LINGO2: variants seen among roughly 807,000 people sequenced by gnomAD.
LINGO2 encodes leucine rich repeat and Ig domain containing 2.
A neutral mutation model predicts 30.6 loss-of-function variants in LINGO2; 14 were observed. That is an observed-to-expected ratio of 0.46 (90% CI 0.30 to 0.72). The LOEUF is 0.72. Among genes scored for constraint, LINGO2 ranks in the 30% least tolerant of loss-of-function variants. The pLI is 0.07. For missense variants in LINGO2, 729 were observed against 751.7 expected (o/e 0.97, Z 0.35); for synonymous variants, 317 against 288.5 (o/e 1.10, Z -1.00).
downstream of LINGO2, among the ~76,000 whole-genome samples, chr9:27,947,307 A>T (rs978805798): frequency 2.6e-5 from 4 of 152,218 alleles, no homozygotes; most frequent in Non-Finnish European, 5.9e-5. Context: ...ATCAGTTTTT[A>T]AAAACTGGGA....
the LINGO2 span, among the ~76,000 whole-genome samples, chr9:29,178,047 TTTTATTTA>T: frequency 1.3e-5 from 2 of 151,854 alleles, no homozygotes; most frequent in Non-Finnish European, 2.9e-5. Flanking sequence ...AATACTTTTA[TTTTATTTA>T]TTTATTTATT....
chr9:28,912,668 T>C, the LINGO2 span, among the ~76,000 whole-genome samples: 9 of 152,190 alleles, frequency 5.9e-5, no homozygotes, highest in African/African-American at 1.9e-4. Flanking sequence ...ATTGACATCA[T>C]GTGTCTTCAT....
In LINGO2 at chr9:28,614,830, C is replaced by A. The variant is rs538295716; in HGVS notation, c.-365+55370G>T. Among the ~76,000 whole-genome samples the A allele has an allele frequency of 3.0e-4, 45 of 152,168 alleles. No individual in the cohort carries two copies. In the South Asian group the frequency reaches 9.3e-3, roughly 32 times the overall value. On this transcript the variant is annotated intron_variant, in intron 1 of 5. Coordinates refer to ENST00000379992, the Ensembl canonical transcript of LINGO2. ...TGGGAACAAGTTTTAATGTTACAGT[C>A]AGGGTTTTAACTCCTCAGGTGTCAA...
chr9:28,326,255 T>C (rs1825225278), intron 3 of LINGO2, among the ~76,000 whole-genome samples: 1 of 152,212 alleles, frequency 6.6e-6, no homozygotes. Context: ...TCTGCCCACC[T>C]TGGCCTCCCA....
chr9:28,311,769 A>G (rs12555162), intron 3 of LINGO2, among the ~76,000 whole-genome samples: 49,565 of 152,006 alleles, frequency 0.33, 9,313 homozygotes, highest in Non-Finnish European at 0.43. Context: ...TAATGCAATC[A>G]TCACAAGGTC....
the LINGO2 span, among the ~76,000 whole-genome samples, chr9:29,105,471 A>G: frequency 7.8e-4 from 119 of 152,312 alleles, no homozygotes; most frequent in Admixed American, 6.5e-4. Context: ...TTAAAAATTC[A>G]GTCATCGAAA....
At chr9:28,495,620 G>A (rs56373320) in intron 1 of LINGO2, among the ~76,000 whole-genome samples, 1 of 151,874 alleles carries the variant, frequency 6.6e-6, no homozygotes, top group Non-Finnish European at 1.5e-5. Context: ...GTTACTGTAG[G>A]CTTGTAGTAT....
At chr9:29,046,737 A>G in the LINGO2 span, among the ~76,000 whole-genome samples, 5 of 152,150 alleles carry the variant, frequency 3.3e-5, no homozygotes, top group African/African-American at 1.2e-4. Flanking sequence ...GCAAAAATTG[A>G]CAAGTGAGAT....
At chr9:29,068,117 A>C in the LINGO2 span, among the ~76,000 whole-genome samples, 1 of 151,840 alleles carries the variant, frequency 6.6e-6, no homozygotes, top group African/African-American at 2.4e-5. Context: ...AAGTTGTGGG[A>C]AAATATGAAC....
intron 4 of LINGO2, among the ~76,000 whole-genome samples, chr9:28,285,314 T>C (rs1823466649): frequency 6.6e-6 from 1 of 151,970 alleles, no homozygotes; most frequent in South Asian, 2.1e-4. Flanking sequence ...ATTTAATGCT[T>C]ACAATTGTCC....
At chr9:28,477,905 G>A (rs1417677024) in intron 1 of LINGO2, among the ~76,000 whole-genome samples, 3 of 152,056 alleles carry the variant, frequency 2.0e-5, no homozygotes, top group East Asian at 3.9e-4. Context: ...AAACATTACC[G>A]TATATAGTTC....
rs1821616838 is a variant in LINGO2 at position 28,237,499 on chromosome 9, G to T, written c.-87+57709C>A. Among the ~76,000 whole-genome samples, 12 of 152,152 alleles carry T rather than the reference G, an allele frequency of 7.9e-5. 1 individual carries two copies. The South Asian group carries it at 2.5e-3, about 32-fold the overall frequency. On this transcript the variant is annotated intron_variant, in intron 4 of 5. Transcript: ENST00000379992. ...GAAACCAAACTCTCCAATCAAAAAA[G>T]ATAGATTGGCTGAATGGATTAAAAA...
chr9:29,003,646 T>A, the LINGO2 span, among the ~76,000 whole-genome samples: 1 of 151,932 alleles, frequency 6.6e-6, no homozygotes, highest in Non-Finnish European at 1.5e-5. Flanking sequence ...AATATATAGC[T>A]TATATCTGGA....
intron 2 of LINGO2, among the ~76,000 whole-genome samples, chr9:28,444,612 G>A (rs770658575): frequency 2.6e-5 from 4 of 152,178 alleles, no homozygotes; most frequent in African/African-American, 4.8e-5. Context: ...TGGACTCTGT[G>A]GTTTCTGGCA....
chr9:28,505,204 T>G (rs551650226), intron 1 of LINGO2, among the ~76,000 whole-genome samples: 1 of 152,020 alleles, frequency 6.6e-6, no homozygotes, highest in African/African-American at 2.4e-5. Flanking sequence ...TTACTAGAAA[T>G]TCAGTCTAGA....
intron 1 of LINGO2, among the ~76,000 whole-genome samples, chr9:28,548,945 T>A (rs1429965303): frequency 6.6e-6 from 1 of 151,940 alleles, no homozygotes; most frequent in Non-Finnish European, 1.5e-5. Context: ...GTAGAAAAGT[T>A]CAGAATATAA....
At chr9:28,582,682 T>C (rs1174913681) in intron 1 of LINGO2, among the ~76,000 whole-genome samples, 1 of 152,090 alleles carries the variant, frequency 6.6e-6, no homozygotes, top group Non-Finnish European at 1.5e-5. Context: ...AACAGCAGAC[T>C]TCCAAAAACT....
At chr9:28,126,300 C>A (rs532258970) in intron 4 of LINGO2, among the ~76,000 whole-genome samples, 2 of 152,118 alleles carry the variant, frequency 1.3e-5, no homozygotes, top group East Asian at 3.9e-4. Flanking sequence ...CTGAATCATT[C>A]CAGCTGCAAG....
chr9:28,347,408 T>A (rs1819629833), intron 3 of LINGO2, among the ~76,000 whole-genome samples: 1 of 142,342 alleles, frequency 7.0e-6, no homozygotes, highest in South Asian at 2.4e-4. Context: ...TACATACACA[T>A]TGAAGTTGAC....
Sources: allele counts gnomAD v4.1 joint callset (sites outside exome capture counted in the v4.1 genomes callset), GRCh38; gene constraint gnomAD v4.1.1; transcripts MANE v1.5; gene names NCBI Gene and HGNC (gene_info 2026-07-23, HGNC 2026-07-21).